Variants in GSE1 observed in about 807,000 individuals in gnomAD.
GSE1 encodes the protein Gse1 coiled-coil protein, also known as genetic suppressor element 1.
Under a neutral mutation model 112.6 loss-of-function variants are expected in GSE1, and 32 were observed. The observed-to-expected ratio is 0.28, with a 90% CI of 0.21 to 0.38. The LOEUF (loss-of-function observed/expected upper bound fraction) is 0.38, where lower values mean the gene tolerates loss of function less well. Among genes scored for constraint, GSE1 ranks in the 10% least tolerant of loss-of-function variants. The pLI is 1.00. For synonymous variants in GSE1, 1,115 were observed against 735.6 expected, an observed-to-expected ratio of 1.52 and a Z score of -8.35; for missense variants, 2,348 against 1,699.2, an observed-to-expected ratio of 1.38 and a Z score of -6.71.
chr16:85,545,811 GTC>G (rs1168943248), intron 2 of GSE1, among the ~76,000 whole-genome samples: 1 of 152,178 alleles, frequency 6.6e-6, no homozygotes, highest in East Asian at 1.9e-4. Flanking sequence ...TGGAGACAGA[GTC>G]TCACTGTCGC....
chr16:85,516,847 G>C (rs1456571574), intron 2 of GSE1, among the ~76,000 whole-genome samples: 1 of 148,116 alleles, frequency 6.8e-6, no homozygotes, highest in Non-Finnish European at 1.5e-5. Flanking sequence ...GCCCAGGCTG[G>C]AGTGCAGTGG....
chr16:85,511,719 G>A (rs2051752576), intron 2 of GSE1, among the ~76,000 whole-genome samples: 1 of 152,162 alleles, frequency 6.6e-6, no homozygotes, highest in African/African-American at 2.4e-5. Context: ...GACAGGCAGA[G>A]GGAGATTTGA....
At chr16:85,324,509 C>T in intron 1 of GSE1, among the ~76,000 whole-genome samples, 2 of 98,098 alleles carry the variant, frequency 2.0e-5, no homozygotes, top group Middle Eastern at 0.012. Flanking sequence ...GACTCCCTCT[C>T]AAAAAAAAAA....
intron 1 of GSE1, among the ~76,000 whole-genome samples, chr16:85,304,213 C>T (rs1310299584): frequency 1.3e-5 from 2 of 152,208 alleles, no homozygotes; most frequent in East Asian, 1.9e-4. Flanking sequence ...TGCTTTATGC[C>T]GGGAAACTGA....
rs532877992 is a variant in GSE1 at position 85,648,375 on chromosome 16, C to T, written c.227-177C>T. ...AGACTGAGCTGCTGACCCGATCGGG[C>T]CTCAGGAGAGGTGTCTCCTGCCTGC... On this transcript the variant is annotated intron_variant, in intron 2 of 15. Transcript: ENST00000253458. Among the ~76,000 whole-genome samples the T allele has an allele frequency of 2.0e-5, 3 of 152,208 alleles. No individual in the cohort carries two copies. The South Asian group carries it at 6.2e-4, about 32-fold the overall frequency.
At chr16:85,650,685 G>A (rs560926487) in intron 3 of GSE1, among the ~76,000 whole-genome samples, 37 of 152,306 alleles carry the variant, frequency 2.4e-4, no homozygotes, top group African/African-American at 7.5e-4. Context: ...CAGGGAAGGC[G>A]CGGGGCCGGC....
At chr16:85,645,590 G>A (rs759243251) in intron 2 of GSE1, among the ~76,000 whole-genome samples, 8 of 152,176 alleles carry the variant, frequency 5.3e-5, no homozygotes, top group African/African-American at 9.7e-5. Flanking sequence ...TCCTGGTCAC[G>A]CCACTAAGGC....
At chr16:85,573,269 G>A (rs1005728968) in intron 1 of GSE1, among the ~76,000 whole-genome samples, 1 of 152,148 alleles carries the variant, frequency 6.6e-6, no homozygotes, top group Non-Finnish European at 1.5e-5. Context: ...GTGACTACGG[G>A]TGCGCTGCAC....
At chr16:85,613,524 T>C in intron 1 of GSE1, 126 bp downstream of exon 1, 1 of 874,716 alleles carries the variant, frequency 1.1e-6, no homozygotes, top group Non-Finnish European at 1.7e-6. Context: ...CCCCGGAGTG[T>C]TAGCGGCGAT....
Position 85,548,243 on chromosome 16 carries a change from A to AAAAG in GSE1, c.2465-85647_2465-85644dup, listed in dbSNP as rs796819003. ...ACTCTTTCTCAAAAAAAAAAAAAAAAAAAGAAAGAAAGAAAGAAAGAAAGA... is the reference window on the plus strand; with the variant it reads ...ACTCTTTCTCAAAAAAAAAAAAAAAAAAAGAAAGAAAGAAAGAAAGAAAGAAAGA... On this transcript the variant is annotated intron_variant, in intron 2 of 2. Transcript: ENST00000637419. Among the ~76,000 whole-genome samples, 298 of 132,204 alleles carry AAAAG rather than the reference A, an allele frequency of 2.3e-3. 1 individual carries two copies. The highest frequency in any genetic ancestry group is 0.011 in the East Asian group (52 of 4,878). 86.7% of individuals were successfully genotyped at this position (132,204 alleles called of 152,430 possible). A position where few individuals can be genotyped will look rare whatever the true frequency, so the allele number is the denominator to read the frequency against.
chr16:85,585,131 C>G (rs1029598910), intron 1 of GSE1, among the ~76,000 whole-genome samples: 1 of 152,242 alleles, frequency 6.6e-6, no homozygotes, highest in African/African-American at 2.4e-5. Flanking sequence ...AGCCGTTTGC[C>G]GCTTTCCACC....
At chr16:85,595,794 A>T in intron 1 of GSE1, 1 of 138,226 alleles carries the variant, frequency 7.2e-6, no homozygotes, top group Non-Finnish European at 1.5e-5. Flanking sequence ...CCCTCTATCC[A>T]TCCATTCCCC....
intron 3 of GSE1, among the ~76,000 whole-genome samples, chr16:85,651,515 T>A (rs898580745): frequency 6.6e-6 from 1 of 152,120 alleles, no homozygotes; most frequent in Non-Finnish European, 1.5e-5. Context: ...TCAAGGGCCG[T>A]GTCTGGGCTG....
intron 2 of GSE1, among the ~76,000 whole-genome samples, chr16:85,416,858 TG>T (rs1051855843): frequency 2.0e-5 from 3 of 152,082 alleles, no homozygotes; most frequent in African/African-American, 7.2e-5. Flanking sequence ...TTTGTTTGTT[TG>T]TTTTTTTGTT....
chr16:85,464,210 G>A (rs552569552), intron 2 of GSE1, among the ~76,000 whole-genome samples: 137 of 152,244 alleles, frequency 9.0e-4, no homozygotes, highest in Middle Eastern at 3.4e-3. Context: ...AAACTCAGGG[G>A]GAGAAAGAGT....
intron 1 of GSE1, among the ~76,000 whole-genome samples, chr16:85,320,719 G>A (rs1479635958): frequency 6.6e-6 from 1 of 152,092 alleles, no homozygotes; most frequent in East Asian, 1.9e-4. Context: ...GACTTCTCGG[G>A]GAACACTGTT....
intron 2 of GSE1, among the ~76,000 whole-genome samples, chr16:85,380,984 G>T (rs1402941748): frequency 6.6e-6 from 1 of 152,206 alleles, no homozygotes; most frequent in South Asian, 2.1e-4. Context: ...TTAACTGGAA[G>T]CAAACAATTC....
Position 85,301,656 on chromosome 16 carries a change from C to G in GSE1, c.2284-55807C>G, listed in dbSNP as rs566831668. ...TGGACATCTGTCCCTCGTCTCGGCTCTGTTGCCATCTGTGTTTCCTTTGCC... is the reference window on the plus strand; with the variant it reads ...TGGACATCTGTCCCTCGTCTCGGCTGTGTTGCCATCTGTGTTTCCTTTGCC... On this transcript the variant is annotated intron_variant, in intron 1 of 2. Coordinates refer to the GSE1 transcript ENST00000637419. Among the ~76,000 whole-genome samples, 9 of 152,356 alleles carry G rather than the reference C, an allele frequency of 5.9e-5. No individual in the cohort carries two copies. The South Asian group carries it at 1.9e-3, about 32-fold the overall frequency.
chr16:85,407,300 G>GA (rs1555581067), intron 2 of GSE1, among the ~76,000 whole-genome samples: 1 of 8,454 alleles, frequency 1.2e-4, no homozygotes, highest in Non-Finnish European at 2.1e-4. Context: ...TTACACTCAG[G>GA]CCCCCCGGAT....
Sources: allele counts gnomAD v4.1 joint callset (sites outside exome capture counted in the v4.1 genomes callset), GRCh38; gene constraint gnomAD v4.1.1; transcripts MANE v1.5; gene names NCBI Gene and HGNC (gene_info 2026-07-23, HGNC 2026-07-21).